The following PRKCE variants were observed in gnomAD, a reference collection of about 807,000 sequenced individuals.
PRKCE encodes protein kinase C epsilon, also known as protein kinase C epsilon type.
Under a neutral mutation model 85.4 loss-of-function variants are expected in PRKCE, and 16 were observed. The ratio of observed to expected loss-of-function variants is 0.19; its 90% CI spans 0.13 to 0.28. The LOEUF (loss-of-function observed/expected upper bound fraction) is 0.28. Ranked by LOEUF, PRKCE falls within the 10% of genes least tolerant of loss-of-function variation. PRKCE has a pLI of 1.00. For missense variants in PRKCE, 573 were observed against 975.2 expected (o/e 0.59, Z 5.49); for synonymous variants, 388 against 371.5 (o/e 1.04, Z -0.51).
intron 7 of PRKCE, among the ~76,000 whole-genome samples, chr2:46,002,632 G>C (rs1233155868): frequency 6.6e-6 from 1 of 152,142 alleles, no homozygotes; most frequent in Non-Finnish European, 1.5e-5. Context: ...TCTTCTCTCT[G>C]GTTGAGATAA....
chr2:46,155,112 G>A lies in PRKCE; in HGVS notation c.1920+3883G>A, dbSNP rs999293048. 1.3e-5 allele frequency among the ~76,000 whole-genome samples: 2 copies of A among 152,108 alleles called. No homozygotes were observed. Among genetic ancestry groups the A allele is most frequent in the South Asian group, 2.1e-4 (1 of 4,826 alleles). ...CAGGACTGGGTGGGGCAGGGTAAAC[G>A]GAGACCCCTCATGATCCCCCAGCAG... On this transcript the variant is annotated intron_variant, in intron 13 of 14. Coordinates refer to ENST00000306156, the MANE Select transcript of PRKCE (RefSeq NM_005400.3). The surrounding 1 kb of genome is among the most constrained non-coding windows in gnomAD (Gnocchi z 4.7).
chr2:45,980,433 C>G (rs1392217962), intron 5 of PRKCE, 52 bp downstream of exon 5: 1 of 1,496,766 alleles, frequency 6.7e-7, no homozygotes, highest in South Asian at 1.1e-5. Flanking sequence ...CAGCCCCTCC[C>G]TTCACTGCCT....
intron 1 of PRKCE, chr2:45,674,935 T>C (rs1488968962): frequency 6.6e-6 from 1 of 152,234 alleles, no homozygotes; most frequent in Non-Finnish European, 1.5e-5. Context: ...GACATGATTA[T>C]TTTTGGTAGC....
At chr2:45,888,637 G>C (rs1352911356) in intron 2 of PRKCE, among the ~76,000 whole-genome samples, 3 of 152,098 alleles carry the variant, frequency 2.0e-5, no homozygotes, top group Non-Finnish European at 4.4e-5. Context: ...TTTCAGTAGA[G>C]ATGGGGGTTT....
chr2:45,925,137 G>T (rs1018773705), intron 2 of PRKCE, among the ~76,000 whole-genome samples: 1 of 152,134 alleles, frequency 6.6e-6, no homozygotes, highest in Admixed American at 6.5e-5. Context: ...ATACTGGGCA[G>T]CCAGGACATG....
intron 1 of PRKCE, among the ~76,000 whole-genome samples, chr2:45,767,322 C>G (rs1373237836): frequency 3.9e-5 from 6 of 152,198 alleles, no homozygotes; most frequent in Admixed American, 3.9e-4. Context: ...AGCAATGGCT[C>G]CTTTTAACCA....
At chr2:45,732,932 G>T (rs142454851) in intron 1 of PRKCE, among the ~76,000 whole-genome samples, 3 of 152,146 alleles carry the variant, frequency 2.0e-5, no homozygotes, top group Non-Finnish European at 4.4e-5. Flanking sequence ...ATCAAGGGTC[G>T]ACGACTTTCT....
chr2:46,023,538 A>G (rs182424074), intron 10 of PRKCE, among the ~76,000 whole-genome samples: 83 of 152,310 alleles, frequency 5.4e-4, no homozygotes, highest in African/African-American at 1.9e-3. Flanking sequence ...TGTGAGGATA[A>G]CATCTTTGGC....
rs1303334123 is a variant in PRKCE, at chr2:46,186,840, C to T, written c.*1959C>T. 6.6e-6 allele frequency: 1 copy of T among 152,510 alleles called. No individual in the cohort carries two copies. Among genetic ancestry groups the T allele is most frequent in the African/African-American group, 2.4e-5 (1 of 41,388 alleles). 9.4% of individuals were successfully genotyped at this position (152,510 alleles called of 1,614,324 possible). ...TTGTTACTAATGATGACATTCAGTT[C>T]TCTTTTGTTTTTATTTTTTAAAAAC... On this transcript the variant is annotated 3_prime_UTR_variant, in exon 15 of 15. Transcript: ENST00000306156.
chr2:45,994,391 T>G (rs1704055251), intron 6 of PRKCE, among the ~76,000 whole-genome samples: 1 of 152,198 alleles, frequency 6.6e-6, no homozygotes, highest in African/African-American at 2.4e-5. Flanking sequence ...ACCATTATAG[T>G]ATCTTACAGA....
chr2:46,172,618 G>A (rs142169843), intron 14 of PRKCE, among the ~76,000 whole-genome samples: 66 of 152,318 alleles, frequency 4.3e-4, no homozygotes, highest in African/African-American at 1.5e-3. Flanking sequence ...CTAACGCTTT[G>A]AGACTATTGA....
rs80209781 is a variant in PRKCE at position 45,859,588 on chromosome 2, G to A, written c.412+16525G>A. On this transcript the variant is annotated intron_variant, in intron 2 of 14. Coordinates refer to ENST00000306156, the MANE Select transcript of PRKCE (RefSeq NM_005400.3). ...CGTGATGTTGAGAATCTTTTTATGT[G>A]TTTTTGACCTTTCCTCAAAAATGTC... 9.1e-3 allele frequency among the ~76,000 whole-genome samples: 1,380 copies of A among 152,206 alleles called. 19 individuals are homozygous for A. The highest frequency in any genetic ancestry group is 0.031 in the African/African-American group (1,284 of 41,512).
chr2:46,108,204 C>A (rs576419723), intron 11 of PRKCE, among the ~76,000 whole-genome samples: 1 of 152,168 alleles, frequency 6.6e-6, no homozygotes. Context: ...AGCCTCCATG[C>A]CTGGCCTTAT....
chr2:46,178,501 C>A (rs1305877112), intron 14 of PRKCE, among the ~76,000 whole-genome samples: 2 of 152,164 alleles, frequency 1.3e-5, no homozygotes, highest in Non-Finnish European at 2.9e-5. Flanking sequence ...TGCAGTGATA[C>A]CTTCCTTATT....
intron 14 of PRKCE, among the ~76,000 whole-genome samples, chr2:46,175,296 C>T (rs1364322708): frequency 6.6e-6 from 1 of 152,148 alleles, no homozygotes; most frequent in African/African-American, 2.4e-5. Flanking sequence ...GATAAATGCA[C>T]ACAGGTGGCC....
At chr2:46,153,767 CTCT>C (rs1348236879) in intron 13 of PRKCE, among the ~76,000 whole-genome samples, 66 of 148,680 alleles carry the variant, frequency 4.4e-4, no homozygotes, top group Middle Eastern at 3.5e-3. Context: ...CCTCCTCTTC[CTCT>C]TCTTCTTCTT....
At chr2:46,029,315 C>G (rs7588321) in intron 10 of PRKCE, among the ~76,000 whole-genome samples, 14,409 of 152,206 alleles carry the variant, frequency 0.095, 1,277 homozygotes, top group African/African-American at 0.23. Flanking sequence ...TAGTGTTCAT[C>G]ATTCTACAGT....
chr2:46,108,737 G>C (rs766228922), intron 11 of PRKCE, among the ~76,000 whole-genome samples: 3 of 152,176 alleles, frequency 2.0e-5, no homozygotes, highest in African/African-American at 7.2e-5. Flanking sequence ...CATAGATTGT[G>C]TTTTTGGGTG....
chr2:45,846,584 G>T (rs1298114963), intron 2 of PRKCE, among the ~76,000 whole-genome samples: 2 of 152,216 alleles, frequency 1.3e-5, no homozygotes, highest in Non-Finnish European at 2.9e-5. Context: ...GTTCTGGAGG[G>T]ATTGCATATT....
Sources: allele counts gnomAD v4.1 joint callset (sites outside exome capture counted in the v4.1 genomes callset), GRCh38; gene constraint gnomAD v4.1.1; non-coding constraint Gnocchi (gnomAD v3.1); transcripts MANE v1.5; gene names NCBI Gene and HGNC (gene_info 2026-07-23, HGNC 2026-07-21).